Variants in EYS observed in about 807,000 individuals in gnomAD.
EYS encodes the protein protein eyes shut homolog.
A neutral mutation model predicts 282.1 loss-of-function variants in EYS; 250 were observed. The ratio of observed to expected loss-of-function variants is 0.89; its 90% CI spans 0.80 to 0.98. The LOEUF (loss-of-function observed/expected upper bound fraction) is 0.98, where lower values mean the gene tolerates loss of function less well. EYS is among the 50% of genes least tolerant of loss of function. The pLI is 0.00. For synonymous variants in EYS, 1,355 were observed against 1,282.9 expected (o/e 1.06, Z -1.20); for missense variants, 4,016 against 3,709.0 (o/e 1.08, Z -2.15).
intron 2 of EYS, among the ~76,000 whole-genome samples, chr6:65,533,359 A>G (rs886121447): frequency 6.6e-6 from 1 of 152,150 alleles, no homozygotes; most frequent in African/African-American, 2.4e-5. Context: ...CCAACCAAAA[A>G]AAAGTCCAGG....
At chr6:64,617,364 G>C (rs1202806770) in intron 24 of EYS, 54 bp downstream of exon 24, 1 of 1,113,702 alleles carries the variant, frequency 9.0e-7, no homozygotes, top group Non-Finnish European at 1.3e-6. Context: ...ACTATTTACT[G>C]TGTATCAAAG....
chr6:65,405,461 T>C (rs1766697230), intron 5 of EYS, 94 bp from the exon 6 acceptor site: 2 of 1,001,492 alleles, frequency 2.0e-6, no homozygotes, highest in East Asian at 2.4e-5. Context: ...AGAAAATTTC[T>C]CTAGAGTTTA....
chr6:65,017,063 T>C (rs922926726), intron 13 of EYS, among the ~76,000 whole-genome samples: 7 of 152,116 alleles, frequency 4.6e-5, no homozygotes, highest in African/African-American at 1.7e-4. Context: ...GGAGACATCA[T>C]TTTTTCCCTC....
intron 22 of EYS, among the ~76,000 whole-genome samples, chr6:64,642,502 A>G (rs1200493929): frequency 6.6e-6 from 1 of 152,200 alleles, no homozygotes; most frequent in Non-Finnish European, 1.5e-5. Context: ...AGTGAAGATG[A>G]GAGATATGAC....
intron 8 of EYS, among the ~76,000 whole-genome samples, chr6:65,356,823 G>A (rs1381711937): frequency 6.6e-6 from 1 of 151,936 alleles, no homozygotes; most frequent in Admixed American, 6.6e-5. Context: ...ATATGTAGAG[G>A]CTAGGAGTGT....
At chr6:64,218,293 T>A (rs938867923) in intron 31 of EYS, among the ~76,000 whole-genome samples, 5 of 152,164 alleles carry the variant, frequency 3.3e-5, no homozygotes, top group Admixed American at 1.3e-4. Flanking sequence ...AGCCTTACAA[T>A]CATGACTCCT....
At chr6:64,423,478 C>A (rs1382022156) in intron 28 of EYS, among the ~76,000 whole-genome samples, 1 of 152,142 alleles carries the variant, frequency 6.6e-6, no homozygotes, top group Non-Finnish European at 1.5e-5. Context: ...GTAGTGTTTC[C>A]TAACATTATA....
At chr6:65,588,851 T>C (rs182309204) in intron 2 of EYS, among the ~76,000 whole-genome samples, 88 of 152,038 alleles carry the variant, frequency 5.8e-4, no homozygotes, top group African/African-American at 2.0e-3. Context: ...ATTTGGATAG[T>C]TTTGATATAT....
intron 36 of EYS, among the ~76,000 whole-genome samples, chr6:63,839,358 C>A (rs550469192): frequency 2.6e-5 from 4 of 152,208 alleles, no homozygotes; most frequent in African/African-American, 9.6e-5. Flanking sequence ...ATAATGTTAT[C>A]CAAGTTTATC....
chr6:64,183,775 A>G (rs1764852628), intron 31 of EYS, among the ~76,000 whole-genome samples: 1 of 152,188 alleles, frequency 6.6e-6, no homozygotes, highest in Admixed American at 6.6e-5. Flanking sequence ...TGGGACATCA[A>G]AATTAATAAA....
intron 26 of EYS, among the ~76,000 whole-genome samples, chr6:64,559,302 T>C (rs1251238238): frequency 4.0e-5 from 6 of 151,398 alleles, no homozygotes; most frequent in East Asian, 1.9e-4. Context: ...TGTGTGTGTG[T>C]GTGCTTTTAG....
At chr6:65,022,394 T>C (rs185800801) in intron 13 of EYS, among the ~76,000 whole-genome samples, 77 of 152,264 alleles carry the variant, frequency 5.1e-4, no homozygotes, top group Non-Finnish European at 8.8e-4. Flanking sequence ...GGTGTAGCAT[T>C]GGTGGTGTTA....
At chr6:65,638,204 A>G (rs1030097785) in intron 2 of EYS, among the ~76,000 whole-genome samples, 8 of 152,118 alleles carry the variant, frequency 5.3e-5, no homozygotes, top group African/African-American at 1.2e-4. Flanking sequence ...TCCTGGAGTG[A>G]TAAGGATGAC....
intron 14 of EYS, among the ~76,000 whole-genome samples, chr6:64,947,653 CTTT>C (rs67440131): frequency 1.5e-5 from 2 of 129,298 alleles, no homozygotes; most frequent in Admixed American, 7.9e-5. Context: ...CTTATTTTTT[CTTT>C]TTTTTTTTTT....
intron 12 of EYS, among the ~76,000 whole-genome samples, chr6:65,073,678 A>T (rs1305485456): frequency 6.6e-6 from 1 of 151,750 alleles, no homozygotes. Context: ...GAAAAATGAG[A>T]TATTCTGATT....
chr6:65,009,513 A>G (rs550844696), intron 13 of EYS, among the ~76,000 whole-genome samples: 3 of 152,240 alleles, frequency 2.0e-5, no homozygotes, highest in East Asian at 1.9e-4. Context: ...CATCCTGACT[A>G]TCAATTCTTG....
intron 26 of EYS, among the ~76,000 whole-genome samples, chr6:64,498,537 T>C (rs1776953136): frequency 6.6e-6 from 1 of 152,018 alleles, no homozygotes; most frequent in Admixed American, 6.6e-5. Flanking sequence ...ACATGTGCCA[T>C]GGTAGTTTGC....
intron 2 of EYS, among the ~76,000 whole-genome samples, chr6:65,573,045 T>C (rs1022274916): frequency 2.0e-5 from 3 of 152,110 alleles, no homozygotes; most frequent in Non-Finnish European, 4.4e-5. Context: ...ACATCTATAA[T>C]TTAGCCTTTA....
intron 29 of EYS, among the ~76,000 whole-genome samples, chr6:64,369,709 T>C (rs375137458): frequency 2.8e-4 from 42 of 152,148 alleles, no homozygotes; most frequent in African/African-American, 9.6e-4. Flanking sequence ...AATAGGATTC[T>C]ATACCAAGAA....
Sources: gnomAD v4.1 joint callset for allele counts (sites outside exome capture counted in the v4.1 genomes callset) on GRCh38, gnomAD v4.1.1 for gene constraint, MANE v1.5 for transcripts, NCBI Gene and HGNC (gene_info 2026-07-23, HGNC 2026-07-21) for gene names.